ACAN: variants seen among roughly 807,000 people sequenced by gnomAD.
ACAN encodes aggrecan core protein.
A neutral mutation model predicts 169.1 loss-of-function variants in ACAN; 47 were observed. That is an observed-to-expected ratio of 0.28 (90% CI 0.22 to 0.35). The LOEUF is 0.35. Among genes scored for constraint, ACAN ranks in the 10% least tolerant of loss-of-function variants. The pLI, the probability that ACAN is intolerant of heterozygous loss-of-function variation, is 1.00. For missense variants in ACAN, 2,716 were observed against 2,759.9 expected (o/e 0.98, Z 0.36); for synonymous variants, 1,115 against 1,112.2 (o/e 1.00, Z -0.05).
chr15:88,837,332 T>A lies in ACAN; in HGVS notation c.70+1056T>A, dbSNP rs142092126. Reference sequence around the variant, plus strand: ...CAGCCCAAGGCAAAACACCAAGTAATCCAAGAATTCTGAATTTAAATCTGT... The same window carrying A: ...CAGCCCAAGGCAAAACACCAAGTAAACCAAGAATTCTGAATTTAAATCTGT... On this transcript the variant is annotated intron_variant, in intron 2 of 18. Transcript: ENST00000560601. Among the ~76,000 whole-genome samples the A allele has an allele frequency of 7.0e-3, 1,062 of 152,210 alleles. 15 individuals carry two copies. Among genetic ancestry groups the A allele is most frequent in the African/African-American group, 0.025 (1,020 of 41,512 alleles).
At position 88,868,700 on chromosome 15, in the gene ACAN, G is replaced by T. The variant is rs1367908420; in HGVS notation, c.7060+371G>T. ...GTTCTCATTCCAGATGACAGCCACG[G>T]ATCTTCTCAGTGTGGTCATGGGCAT... On this transcript the variant is annotated intron_variant, in intron 14 of 18. Transcript: ENST00000560601. This position sits in a 1 kb window ranked among gnomAD's most constrained non-coding sequence, Gnocchi z 5.2. Among the ~76,000 whole-genome samples the T allele has an allele frequency of 2.0e-5, 3 of 152,318 alleles. No homozygotes were observed. The East Asian group carries it at 5.8e-4, about 29-fold the overall frequency.
At position 88,858,171 on chromosome 15, in the gene ACAN, G is replaced by A. The variant is rs1464742387; in HGVS notation, c.5586G>A (p.Glu1862=). ...AACTCAGTGGCCTCCCTTCCGGAGAGGCAGATCTGTCAGGCAAATCTGGGA... is the reference window on the plus strand; with the variant it reads ...AACTCAGTGGCCTCCCTTCCGGAGAAGCAGATCTGTCAGGCAAATCTGGGA... ...SVELSGLPSG[E]ADLSGKSGMV... The change falls in exon 12 of 19, where the codon GAG becomes GAA. Residue 1862 remains glutamate, a synonymous_variant. Coordinates refer to ENST00000560601, the MANE Select transcript of ACAN (RefSeq NM_001369268.1). The surrounding 1 kb of genome is among the most constrained non-coding windows in gnomAD (Gnocchi z 4.0). 6.2e-7 allele frequency: 1 copy of A among 1,613,828 alleles called. No homozygotes were observed. Among genetic ancestry groups the A allele is most frequent in the African/African-American group, 1.3e-5 (1 of 74,898 alleles).
At position 88,841,011 on chromosome 15, in the gene ACAN, G is replaced by A. The variant is rs569370134; in HGVS notation, c.630-729G>A. 4.6e-3 allele frequency among the ~76,000 whole-genome samples: 708 copies of A among 152,326 alleles called. 4 individuals are homozygous for A. Among genetic ancestry groups the A allele is most frequent in the African/African-American group, 0.016 (672 of 41,574 alleles). On this transcript the variant is annotated intron_variant, in intron 4 of 18. Transcript: ENST00000560601. ...ATACAAAAAATTAGCCAGGCGTGGT[G>A]GTGGGCTCCTGTAGTCCCAGCTACT...
chr15:88,871,363 C>G lies in ACAN; in HGVS notation c.7061-19C>G, dbSNP rs754228336. 2.5e-6 allele frequency: 4 copies of G among 1,613,654 alleles called. No individual in the cohort carries two copies. The Admixed American group carries it at 6.7e-5, about 27-fold the overall frequency. Reference sequence around the variant, plus strand: ...GGTGGCCTCTGCCCCTCCCTTCAAGCCCCTGACCTGTGTTGCAGACCAGGA... The same window carrying G: ...GGTGGCCTCTGCCCCTCCCTTCAAGGCCCTGACCTGTGTTGCAGACCAGGA... On this transcript the variant is annotated intron_variant, in intron 14 of 18. Coordinates refer to ENST00000560601, the MANE Select transcript of ACAN (RefSeq NM_001369268.1). This position sits in a 1 kb window ranked among gnomAD's most constrained non-coding sequence, Gnocchi z 7.8.
In ACAN at chr15:88,839,899, C is replaced by A; in HGVS notation, c.455-113C>A. Reference sequence around the variant, plus strand: ...CAGGGAGTCATGCATCAGCCCAGACCAGCCAGTTCCCTAAGGTCCCTTTGA... The same window carrying A: ...CAGGGAGTCATGCATCAGCCCAGACAAGCCAGTTCCCTAAGGTCCCTTTGA... On this transcript the variant is annotated intron_variant, in intron 3 of 18. Transcript: ENST00000560601. This position sits in a 1 kb window ranked among gnomAD's most constrained non-coding sequence, Gnocchi z 4.5. The A allele has an allele frequency of 1.5e-6, 2 of 1,313,608 alleles. No individual in the cohort carries two copies. Among genetic ancestry groups the A allele is most frequent in the South Asian group, 2.8e-5 (2 of 70,242 alleles). 81.4% of individuals were successfully genotyped at this position (1,313,608 alleles called of 1,614,324 possible).
chr15:88,851,735 G>A lies in ACAN; in HGVS notation c.2027-59G>A. On this transcript the variant is annotated intron_variant, in intron 10 of 18. Coordinates refer to ENST00000560601, the MANE Select transcript of ACAN (RefSeq NM_001369268.1). This position sits in a 1 kb window ranked among gnomAD's most constrained non-coding sequence, Gnocchi z 4.3. Reference sequence around the variant, plus strand: ...CCCTAGCTCCCCTCAAGAAGGGCCAGCCAAGGACGGGTCACTGGTAAGAGA... The same window carrying A: ...CCCTAGCTCCCCTCAAGAAGGGCCAACCAAGGACGGGTCACTGGTAAGAGA... The A allele has an allele frequency of 6.7e-7, 1 of 1,500,760 alleles. No homozygotes were observed. The highest frequency in any genetic ancestry group is 1.4e-5 in the South Asian group (1 of 73,874). The allele number at this position is 1,500,760 out of a possible 1,614,324, so 93.0% of individuals were successfully genotyped here.
chr15:88,844,644 C>T (rs1350742852), intron 6 of ACAN, among the ~76,000 whole-genome samples: 1 of 152,146 alleles, frequency 6.6e-6, no homozygotes, highest in Non-Finnish European at 1.5e-5. Flanking sequence ...AAGTGCTGGG[C>T]TTGCATGCGT....
chr15:88,865,782 TG>T lies in ACAN; in HGVS notation c.6947-2431del, dbSNP rs144308245. 9.9e-3 allele frequency among the ~76,000 whole-genome samples: 1,510 copies of T among 152,138 alleles called. 18 individuals are homozygous for T. The highest frequency in any genetic ancestry group is 0.033 in the African/African-American group (1,385 of 41,512). On this transcript the variant is annotated intron_variant, in intron 13 of 18. Coordinates refer to ENST00000560601, the MANE Select transcript of ACAN (RefSeq NM_001369268.1). ...CCTAATTGCCCTTCTCAGAAAGAGGTGGGCCATGCAGGGCCAGAACGGCCCT... is the reference window on the plus strand; with the variant it reads ...CCTAATTGCCCTTCTCAGAAAGAGGTGGCCATGCAGGGCCAGAACGGCCCT...
rs1424060208 is a variant in ACAN at position 88,857,729 on chromosome 15, T to C, written c.5144T>C (p.Leu1715Pro). The C allele has an allele frequency of 6.2e-6, 10 of 1,613,844 alleles. No individual in the cohort carries two copies. The highest frequency in any genetic ancestry group is 8.5e-6 in the Non-Finnish European group (10 of 1,179,886). Residue 1715 changes from leucine (L) to proline (P), a missense_variant, in exon 12 of 19, where the codon CTC becomes CCC. Leu to Pro is a moderately conservative substitution (Grantham distance 98, BLOSUM62 -3). This residue lies in a region of ACAN where 1,389 missense variants were observed against 1,363.7 expected (regional missense o/e 1.02). Transcript: ENST00000560601. ...RASGLPSGTE[L>P]SGQASGSPDV... The stretch of plus-strand genomic sequence containing the variant: ...AGTGGACTCCCTTCAGGAACTGAAC[T>C]CAGTGGCCAAGCATCTGGGTCTCCT...
At position 88,851,960 on chromosome 15, in the gene ACAN, G is replaced by A. The variant is rs766310483; in HGVS notation, c.2193G>A (p.Glu731=). ...CAGGGGAGACTACTGCCATCCTAGA[G>A]TTCACCACCGAGCCAGAAAACCAGA... ...VPSGETTAIL[E]FTTEPENQTE... Residue 731 remains glutamate, a synonymous_variant, in exon 11 of 19, where the codon GAG becomes GAA. Transcript: ENST00000560601. This position sits in a 1 kb window ranked among gnomAD's most constrained non-coding sequence, Gnocchi z 4.3. 7 of 1,612,386 alleles carry A rather than the reference G, an allele frequency of 4.3e-6. No homozygotes were observed. The highest frequency in any genetic ancestry group is 1.3e-5 in the African/African-American group (1 of 74,866).
In ACAN at chr15:88,858,628, A is replaced by C. The variant is rs1897120204; in HGVS notation, c.6043A>C (p.Ser2015Arg). The C allele has an allele frequency of 6.2e-7, 1 of 1,613,822 alleles. No individual in the cohort carries two copies. Among genetic ancestry groups the C allele is most frequent in the African/African-American group, 1.3e-5 (1 of 74,932 alleles). The change falls in exon 12 of 19, where the codon AGT (serine) becomes CGT (arginine). Residue 2015 changes from serine (S) to arginine (R), a missense_variant. Ser to Arg is a moderately radical substitution (Grantham distance 110). Coordinates refer to ENST00000560601, the MANE Select transcript of ACAN (RefSeq NM_001369268.1). This position sits in a 1 kb window ranked among gnomAD's most constrained non-coding sequence, Gnocchi z 4.0. The part of the protein sequence containing the change: ...SGDFASTTNV[S>R]GESSVAMGTS... ...GGATTTTGCCAGCACCACCAATGTAAGTGGAGAATCCTCTGTAGCCATGGG... is the reference window on the plus strand; with the variant it reads ...GGATTTTGCCAGCACCACCAATGTACGTGGAGAATCCTCTGTAGCCATGGG...
intron 1 of ACAN, among the ~76,000 whole-genome samples, chr15:88,817,266 A>G (rs12917038): frequency 6.6e-6 from 1 of 152,130 alleles, no homozygotes; most frequent in Non-Finnish European, 1.5e-5. Context: ...CTCGGCCTCC[A>G]GAGTAGCTGT....
chr15:88,805,009 G>C (rs899463992), intron 1 of ACAN, among the ~76,000 whole-genome samples: 1 of 152,222 alleles, frequency 6.6e-6, no homozygotes, highest in African/African-American at 2.4e-5. Flanking sequence ...AGTGGACCCA[G>C]AAAGGTGCAA....
At chr15:88,836,330 T>G in intron 2 of ACAN, 54 bp downstream of exon 2, 1 of 1,473,740 alleles carries the variant, frequency 6.8e-7, no homozygotes, top group Non-Finnish European at 9.5e-7. Flanking sequence ...AGTAGTGGGT[T>G]TGAGTACTGG....
intron 13 of ACAN, among the ~76,000 whole-genome samples, chr15:88,864,170 C>G (rs1049861136): frequency 6.6e-6 from 1 of 152,052 alleles, no homozygotes; most frequent in African/African-American, 2.4e-5. Flanking sequence ...GAGTGAGACC[C>G]TGTCTCAAAA....
At chr15:88,813,261 G>T (rs1278482598) in intron 1 of ACAN, among the ~76,000 whole-genome samples, 2 of 152,234 alleles carry the variant, frequency 1.3e-5, no homozygotes, top group African/African-American at 2.4e-5. Flanking sequence ...CCCCATGGGG[G>T]CTAGAGAGGT....
In ACAN at chr15:88,858,265, T is replaced by G; in HGVS notation, c.5680T>G (p.Phe1894Val). 1 of 1,613,894 alleles carries G rather than the reference T, an allele frequency of 6.2e-7. No individual in the cohort carries two copies. Among genetic ancestry groups the G allele is most frequent in the Non-Finnish European group, 8.5e-7 (1 of 1,179,874 alleles). Residue 1894 changes from phenylalanine to valine, a missense_variant, in exon 12 of 19, where the codon TTC (phenylalanine) becomes GTC (valine). Phe to Val is a conservative substitution (Grantham distance 50). Transcript: ENST00000560601. This position sits in a 1 kb window ranked among gnomAD's most constrained non-coding sequence, Gnocchi z 4.0. ...SSGFTSQTPE[F>V]SGLPSGIAEV... ...TGGGTTTACATCCCAGACTCCGGAA[T>G]TCAGTGGCCTACCAAGTGGCATAGC...
chr15:88,854,757 C>A (rs1001614104), intron 11 of ACAN, 95 bp from the exon 12 acceptor site: 1 of 1,298,540 alleles, frequency 7.7e-7, no homozygotes, highest in African/African-American at 1.5e-5. Flanking sequence ...AAAAATTTTA[C>A]TGTGGAAAGA....
chr15:88,844,134 TG>T (rs1168618736), intron 6 of ACAN, among the ~76,000 whole-genome samples: 6 of 152,062 alleles, frequency 3.9e-5, no homozygotes, highest in Admixed American at 6.5e-5. Context: ...TGTTGTGTTT[TG>T]TTTTTTTGTT....
Sources: allele counts gnomAD v4.1 joint callset (sites outside exome capture counted in the v4.1 genomes callset), GRCh38; gene constraint gnomAD v4.1.1; regional missense constraint gnomAD v4.1.1; non-coding constraint Gnocchi (gnomAD v3.1); transcripts MANE v1.5; gene names NCBI Gene and HGNC (gene_info 2026-07-23, HGNC 2026-07-21).